Variants in CDH18 observed in about 807,000 individuals in gnomAD.
CDH18 encodes cadherin-18.
CDH18 carries 31 observed loss-of-function variants against 67.9 expected under a neutral mutation model. The ratio of observed to expected loss-of-function variants is 0.46; its 90% CI spans 0.34 to 0.62. The LOEUF is 0.62. CDH18 is among the 20% of genes least tolerant of loss of function. The pLI is 0.01. For missense variants in CDH18, 890 were observed against 975.5 expected, an observed-to-expected ratio of 0.91 and a Z score of 1.17; for synonymous variants, 362 against 347.2, an observed-to-expected ratio of 1.04 and a Z score of -0.48.
chr5:19,736,462 T>C (rs1049201528), intron 4 of CDH18, among the ~76,000 whole-genome samples: 1 of 152,192 alleles, frequency 6.6e-6, no homozygotes, highest in Non-Finnish European at 1.5e-5. Context: ...TAGTAAATTA[T>C]TGATCTTGAA....
intron 4 of CDH18, among the ~76,000 whole-genome samples, chr5:19,732,474 A>T (rs191746317): frequency 6.6e-6 from 1 of 152,242 alleles, no homozygotes; most frequent in Non-Finnish European, 1.5e-5. Context: ...ACTGCACTCC[A>T]GTCTACGTGA....
chr5:20,210,654 G>A lies in CDH18; in HGVS notation c.-518+44790C>T, dbSNP rs942928473. On this transcript the variant is annotated intron_variant, in intron 2 of 14. Coordinates refer to the CDH18 transcript ENST00000507958. ...TGATCTTGGATTTTATTTTATATCC[G>A]ATAGTGATTTAGGTGAAAACACTTC... 1.4e-4 allele frequency among the ~76,000 whole-genome samples: 21 copies of A among 151,788 alleles called. 1 individual carries two copies. Among genetic ancestry groups the A allele is most frequent in the Middle Eastern group, 3.7e-3 (1 of 268 alleles).
At chr5:20,001,245 G>C (rs1376897259) in intron 2 of CDH18, among the ~76,000 whole-genome samples, 1 of 152,108 alleles carries the variant, frequency 6.6e-6, no homozygotes, top group Non-Finnish European at 1.5e-5. Context: ...CTGCCAAGTG[G>C]TAAGCATATA....
chr5:20,085,241 G>A (rs1433638824), intron 2 of CDH18, among the ~76,000 whole-genome samples: 1 of 152,052 alleles, frequency 6.6e-6, no homozygotes, highest in Non-Finnish European at 1.5e-5. Context: ...CTAGAGAAGG[G>A]GCAAAATGCT....
Position 19,473,369 on chromosome 5 carries a change from T to A in CDH18, c.2230A>T (p.Arg744Ter). 1 of 1,613,976 alleles carries A rather than the reference T, an allele frequency of 6.2e-7. No individual in the cohort carries two copies. Among genetic ancestry groups the A allele is most frequent in the Non-Finnish European group, 8.5e-7 (1 of 1,179,934 alleles). Residue 744 changes from arginine to a stop codon, truncating the protein, a stop_gained, in exon 13 of 13, where the codon AGA becomes TGA. Coordinates refer to ENST00000382275, the MANE Select transcript of CDH18 (RefSeq NM_004934.5). LOFTEE classifies it high-confidence loss of function. ...GAGCTGATAGACCCAGCTTCTGATC[T>A]CTGACCCTCATAGGCATAAGTCTGA... ...SLQTYAYEGQ[R>*]SEAGSISSLD...
At chr5:19,694,982 A>T (rs1004178473) in intron 5 of CDH18, among the ~76,000 whole-genome samples, 1 of 152,170 alleles carries the variant, frequency 6.6e-6, no homozygotes, top group African/African-American at 2.4e-5. Flanking sequence ...AACAGTGTAC[A>T]GCAGTACCTA....
At chr5:20,466,339 A>G (rs1389627915) in intron 1 of CDH18, among the ~76,000 whole-genome samples, 1 of 152,104 alleles carries the variant, frequency 6.6e-6, no homozygotes, top group Non-Finnish European at 1.5e-5. Flanking sequence ...TACAATGTGC[A>G]GTACATGATT....
At chr5:20,535,516 T>C (rs956837423) in intron 1 of CDH18, among the ~76,000 whole-genome samples, 4 of 152,116 alleles carry the variant, frequency 2.6e-5, no homozygotes, top group African/African-American at 9.7e-5. Context: ...GAAGTCCCTT[T>C]TGCCAAGTAA....
intron 2 of CDH18, among the ~76,000 whole-genome samples, chr5:20,041,429 T>G (rs1740413450): frequency 6.6e-6 from 1 of 152,224 alleles, no homozygotes; most frequent in South Asian, 2.1e-4. Flanking sequence ...TCTCACAGAT[T>G]GTTAACTTCT....
intron 1 of CDH18, among the ~76,000 whole-genome samples, chr5:20,513,490 A>G (rs1197422763): frequency 1.3e-5 from 2 of 152,214 alleles, no homozygotes; most frequent in African/African-American, 4.8e-5. Context: ...AAAGTTTTAC[A>G]TCAGATCAAT....
At chr5:19,609,952 G>T (rs1748678278) in intron 6 of CDH18, among the ~76,000 whole-genome samples, 1 of 152,000 alleles carries the variant, frequency 6.6e-6, no homozygotes, top group Non-Finnish European at 1.5e-5. Flanking sequence ...TCCCCACTAG[G>T]TACATAGCTG....
chr5:20,304,110 G>C, intron 1 of CDH18: 5 of 1,609,306 alleles, frequency 3.1e-6, no homozygotes, highest in Non-Finnish European at 4.3e-6. Context: ...GTGTTTACCC[G>C]AATCAACATG....
chr5:19,871,919 A>T (rs1484747995), intron 2 of CDH18, among the ~76,000 whole-genome samples: 3 of 152,182 alleles, frequency 2.0e-5, no homozygotes, highest in African/African-American at 7.2e-5. Flanking sequence ...AATGTTAATA[A>T]CACTATACTT....
At chr5:20,233,517 T>C (rs969970719) in intron 2 of CDH18, among the ~76,000 whole-genome samples, 3 of 152,016 alleles carry the variant, frequency 2.0e-5, no homozygotes, top group Admixed American at 2.0e-4. Context: ...TTTTTTCTAA[T>C]GAGAAATACA....
chr5:20,321,507 A>T (rs1561969285), intron 1 of CDH18, among the ~76,000 whole-genome samples: 2 of 152,124 alleles, frequency 1.3e-5, no homozygotes, highest in Non-Finnish European at 2.9e-5. Context: ...TCCTTCATGG[A>T]AATGTCATTT....
chr5:20,401,991 T>C (rs539346064), intron 1 of CDH18, among the ~76,000 whole-genome samples: 1 of 152,294 alleles, frequency 6.6e-6, no homozygotes, highest in African/African-American at 2.4e-5. Context: ...TTGCTTACTT[T>C]CCCATCTTCA....
chr5:19,604,631 T>G (rs1747739735), intron 6 of CDH18, among the ~76,000 whole-genome samples: 1 of 151,824 alleles, frequency 6.6e-6, no homozygotes, highest in African/African-American at 2.4e-5. Flanking sequence ...TATTGATTAT[T>G]AAGCATTGTG....
intron 2 of CDH18, among the ~76,000 whole-genome samples, chr5:20,138,349 G>A (rs903941146): frequency 3.9e-5 from 6 of 152,100 alleles, no homozygotes; most frequent in African/African-American, 7.2e-5. Context: ...CATACCCACA[G>A]CCAATATCAT....
At chr5:19,966,410 G>A (rs1165100455) in intron 2 of CDH18, among the ~76,000 whole-genome samples, 6 of 152,080 alleles carry the variant, frequency 3.9e-5, no homozygotes, top group Non-Finnish European at 8.8e-5. Flanking sequence ...ATAAGAAAGA[G>A]AAAGGTTTAT....
Sources: allele counts gnomAD v4.1 joint callset (sites outside exome capture counted in the v4.1 genomes callset), GRCh38; gene constraint gnomAD v4.1.1; transcripts MANE v1.5; gene names NCBI Gene and HGNC (gene_info 2026-07-23, HGNC 2026-07-21).